CDH13: variants seen among roughly 807,000 people sequenced by gnomAD.
CDH13 encodes cadherin 13.
In CDH13, 24 loss-of-function variants were observed where a neutral mutation model predicts 63.8. The ratio of observed to expected loss-of-function variants is 0.38; its 90% CI spans 0.27 to 0.53. The LOEUF (loss-of-function observed/expected upper bound fraction) is 0.53. Among genes scored for constraint, CDH13 ranks in the 20% least tolerant of loss-of-function variants. The pLI, the probability that CDH13 is intolerant of heterozygous loss-of-function variation, is 0.85. For missense variants in CDH13, 1,049 were observed against 903.1 expected, an observed-to-expected ratio of 1.16 and a Z score of -2.07; for synonymous variants, 503 against 355.3, an observed-to-expected ratio of 1.42 and a Z score of -4.67.
intron 1 of CDH13, among the ~76,000 whole-genome samples, chr16:82,678,070 C>A (rs1177341563): frequency 6.6e-6 from 1 of 152,146 alleles, no homozygotes. Flanking sequence ...TATGCATCTT[C>A]TGTCATCTTC....
At chr16:83,356,880 A>G (rs2091067488) in intron 6 of CDH13, among the ~76,000 whole-genome samples, 1 of 152,210 alleles carries the variant, frequency 6.6e-6, no homozygotes, top group South Asian at 2.1e-4. Flanking sequence ...CAAGTATAGT[A>G]CCCAAGCTAT....
chr16:83,356,533 C>T (rs1287567223), intron 6 of CDH13, among the ~76,000 whole-genome samples: 1 of 152,098 alleles, frequency 6.6e-6, no homozygotes, highest in Non-Finnish European at 1.5e-5. Flanking sequence ...ACTGCAGCAC[C>T]CTTGCTCTAA....
intron 4 of CDH13, among the ~76,000 whole-genome samples, chr16:83,212,040 G>A (rs1014396431): frequency 1.3e-5 from 2 of 152,292 alleles, no homozygotes; most frequent in African/African-American, 2.4e-5. Flanking sequence ...GTCGAGACTC[G>A]TGGCAGGGTT....
intron 1 of CDH13, among the ~76,000 whole-genome samples, chr16:82,687,828 T>C (rs935739703): frequency 1.3e-5 from 2 of 152,130 alleles, no homozygotes; most frequent in Non-Finnish European, 2.9e-5. Context: ...CAAGAGTCTC[T>C]TTTCAAACTG....
At chr16:83,456,946 A>C (rs1365103580) in intron 6 of CDH13, among the ~76,000 whole-genome samples, 7 of 152,184 alleles carry the variant, frequency 4.6e-5, no homozygotes, top group Non-Finnish European at 2.9e-5. Context: ...TGGGTGACAG[A>C]GTAAGACTCT....
chr16:82,976,711 G>A (rs1009758335), intron 2 of CDH13, among the ~76,000 whole-genome samples: 1 of 152,166 alleles, frequency 6.6e-6, no homozygotes, highest in Non-Finnish European at 1.5e-5. Flanking sequence ...TAGGGCTGTT[G>A]AGTTTCTTTT....
At chr16:83,323,807 C>T (rs373703044) in intron 5 of CDH13, among the ~76,000 whole-genome samples, 3 of 152,166 alleles carry the variant, frequency 2.0e-5, no homozygotes, top group Non-Finnish European at 1.5e-5. Flanking sequence ...TCCTCTTGTT[C>T]CTCTTTAGTA....
intron 2 of CDH13, among the ~76,000 whole-genome samples, chr16:82,971,251 T>C (rs921542543): frequency 3.3e-5 from 5 of 152,212 alleles, no homozygotes; most frequent in Admixed American, 6.5e-5. Context: ...TGACAGCTGA[T>C]TTGATAACAG....
intron 5 of CDH13, among the ~76,000 whole-genome samples, chr16:83,248,274 A>G (rs1312940899): frequency 6.6e-6 from 1 of 152,166 alleles, no homozygotes; most frequent in South Asian, 2.1e-4. Context: ...GTGGGTGAGA[A>G]GAAGGAGAAA....
intron 8 of CDH13, among the ~76,000 whole-genome samples, chr16:83,649,006 C>T (rs567472899): frequency 6.6e-6 from 1 of 152,346 alleles, no homozygotes; most frequent in East Asian, 1.9e-4. Context: ...TGTGGCAAGA[C>T]ATCTTATCAC....
At position 83,428,601 on chromosome 16, in the gene CDH13, T is replaced by C. The variant is rs1470366531; in HGVS notation, c.782-57876T>C. ...AAGTGCTAGCCCAAGAAATCAGAAC[T>C]TTGGTGCTTGGCATGTAGAGAGGAT... On this transcript the variant is annotated intron_variant, in intron 6 of 13. Coordinates refer to ENST00000567109, the MANE Select transcript of CDH13 (RefSeq NM_001257.5). 1.3e-5 allele frequency among the ~76,000 whole-genome samples: 2 copies of C among 152,158 alleles called. 1 individual carries two copies. The highest frequency in any genetic ancestry group is 1.3e-4 in the Admixed American group (2 of 15,280).
intron 12 of CDH13, among the ~76,000 whole-genome samples, chr16:83,782,430 A>C (rs1006431655): frequency 3.5e-5 from 5 of 144,920 alleles, no homozygotes; most frequent in Admixed American, 3.4e-4. Context: ...TGGACAGAGG[A>C]TTGATCAAAA....
At chr16:83,493,986 C>T (rs1312563336) in intron 7 of CDH13, among the ~76,000 whole-genome samples, 1 of 152,126 alleles carries the variant, frequency 6.6e-6, no homozygotes, top group Non-Finnish European at 1.5e-5. Flanking sequence ...AACCTCAGTC[C>T]GTAGGTATTT....
At chr16:82,743,315 C>T (rs188513826) in intron 1 of CDH13, among the ~76,000 whole-genome samples, 116 of 152,284 alleles carry the variant, frequency 7.6e-4, no homozygotes, top group Non-Finnish European at 1.4e-3. Flanking sequence ...CAGCCTCAGA[C>T]TTCCCGGGCT....
chr16:82,807,225 G>A (rs150181987), intron 1 of CDH13, among the ~76,000 whole-genome samples: 10 of 152,062 alleles, frequency 6.6e-5, no homozygotes, highest in Admixed American at 3.3e-4. Flanking sequence ...GTTAAGTAAC[G>A]TGCTATAATT....
intron 1 of CDH13, chr16:82,688,857 G>A (rs1915346632): frequency 6.6e-6 from 1 of 152,120 alleles, no homozygotes; most frequent in Admixed American, 6.5e-5. Flanking sequence ...AAGGGAACAG[G>A]GTAACCATGT....
chr16:82,690,523 C>A (rs896373571), intron 1 of CDH13, among the ~76,000 whole-genome samples: 1 of 152,086 alleles, frequency 6.6e-6, no homozygotes, highest in Non-Finnish European at 1.5e-5. Context: ...CTAAGCTATT[C>A]TGGATAGAAA....
chr16:83,389,328 T>C (rs1237320667), intron 6 of CDH13, among the ~76,000 whole-genome samples: 2 of 152,210 alleles, frequency 1.3e-5, no homozygotes, highest in Admixed American at 1.3e-4. Flanking sequence ...TGTGTGTATA[T>C]TTTTTACCAA....
At chr16:82,646,794 G>T (rs1333142825) in intron 1 of CDH13, among the ~76,000 whole-genome samples, 2 of 152,110 alleles carry the variant, frequency 1.3e-5, no homozygotes, top group Non-Finnish European at 2.9e-5. Flanking sequence ...GATAGAGGGA[G>T]AATTGCAATT....
Sources: allele counts gnomAD v4.1 joint callset (sites outside exome capture counted in the v4.1 genomes callset), GRCh38; gene constraint gnomAD v4.1.1; transcripts MANE v1.5; gene names NCBI Gene and HGNC (gene_info 2026-07-23, HGNC 2026-07-21).